Variants in CSMD1 observed in about 807,000 individuals in gnomAD.
CSMD1 encodes CUB and Sushi multiple domains 1.
In CSMD1, 213 loss-of-function variants were observed where a neutral mutation model predicts 417.5. The ratio of observed to expected loss-of-function variants is 0.51; its 90% CI spans 0.46 to 0.57. CSMD1 has a LOEUF of 0.57. Among genes scored for constraint, CSMD1 ranks in the 20% least tolerant of loss-of-function variants. CSMD1 has a pLI of 0.00. For synonymous variants in CSMD1, 2,862 were observed against 1,736.8 expected (o/e 1.65, Z -16.11); for missense variants, 6,923 against 4,529.7 (o/e 1.53, Z -15.17).
chr8:4,325,730 CTG>C (rs1563057361), intron 3 of CSMD1, among the ~76,000 whole-genome samples: 2 of 152,146 alleles, frequency 1.3e-5, no homozygotes, highest in African/African-American at 4.8e-5. Flanking sequence ...GAATCCAACA[CTG>C]AGAAGGCGTG....
intron 46 of CSMD1, among the ~76,000 whole-genome samples, chr8:3,106,216 T>A (rs532687504): frequency 2.1e-5 from 2 of 96,050 alleles, no homozygotes; most frequent in Non-Finnish European, 4.7e-5. Flanking sequence ...TGAAAACCCA[T>A]TTCTACAAAA....
intron 16 of CSMD1, among the ~76,000 whole-genome samples, chr8:3,396,706 T>C (rs77206890): frequency 9.7e-4 from 148 of 152,210 alleles, no homozygotes; most frequent in African/African-American, 3.3e-3. Context: ...GATAGATAGA[T>C]AGACAAATAG....
intron 7 of CSMD1, among the ~76,000 whole-genome samples, chr8:3,683,071 A>G (rs1273986434): frequency 6.6e-6 from 1 of 152,148 alleles, no homozygotes; most frequent in Non-Finnish European, 1.5e-5. Flanking sequence ...GGGAAGGGAT[A>G]GCATTAGGAG....
chr8:3,280,584 G>GTGAT (rs1232868777), intron 26 of CSMD1, among the ~76,000 whole-genome samples: 1 of 152,126 alleles, frequency 6.6e-6, no homozygotes, highest in African/African-American at 2.4e-5. Flanking sequence ...TTATTAACTA[G>GTGAT]TGATAGGGTT....
intron 5 of CSMD1, among the ~76,000 whole-genome samples, chr8:3,913,956 G>C (rs1016123929): frequency 6.6e-6 from 1 of 151,904 alleles, no homozygotes; most frequent in African/African-American, 2.4e-5. Flanking sequence ...TTTGACTTCA[G>C]ATAAAGGAAA....
chr8:4,530,312 T>C (rs940863564), intron 2 of CSMD1, among the ~76,000 whole-genome samples: 3 of 128,792 alleles, frequency 2.3e-5, no homozygotes, highest in African/African-American at 8.7e-5. Context: ...GTACAGGTAG[T>C]GCTTTTTTTT....
At chr8:4,514,881 C>A (rs981303262) in intron 2 of CSMD1, among the ~76,000 whole-genome samples, 1 of 152,102 alleles carries the variant, frequency 6.6e-6, no homozygotes, top group African/African-American at 2.4e-5. Flanking sequence ...AACAACCACA[C>A]CAAAAACAAA....
At chr8:4,134,685 C>G (rs976227664) in intron 3 of CSMD1, among the ~76,000 whole-genome samples, 1 of 152,164 alleles carries the variant, frequency 6.6e-6, no homozygotes, top group African/African-American at 2.4e-5. Flanking sequence ...TCCCTACCGC[C>G]TTTGATTTCT....
At chr8:4,478,965 T>G (rs1800945425) in intron 2 of CSMD1, among the ~76,000 whole-genome samples, 1 of 152,186 alleles carries the variant, frequency 6.6e-6, no homozygotes, top group African/African-American at 2.4e-5. Flanking sequence ...AACCTTAGTT[T>G]ATTAATTCCC....
chr8:3,621,324 GT>G (rs1796233758), intron 7 of CSMD1, among the ~76,000 whole-genome samples: 1 of 152,172 alleles, frequency 6.6e-6, no homozygotes, highest in Admixed American at 6.5e-5. Context: ...GCAACTGTAT[GT>G]TGCCCACAAG....
At chr8:3,616,419 C>T (rs1007080376) in intron 8 of CSMD1, among the ~76,000 whole-genome samples, 2 of 152,154 alleles carry the variant, frequency 1.3e-5, no homozygotes, top group African/African-American at 4.8e-5. Context: ...CTGAGACCTC[C>T]TCAACCATGC....
intron 5 of CSMD1, among the ~76,000 whole-genome samples, chr8:3,930,214 G>A (rs566390497): frequency 6.7e-6 from 1 of 150,042 alleles, no homozygotes; most frequent in African/African-American, 2.5e-5. Context: ...TTCTATACGT[G>A]ACAAGTAAAG....
intron 3 of CSMD1, among the ~76,000 whole-genome samples, chr8:4,088,641 C>G (rs568934563): frequency 6.6e-6 from 1 of 152,142 alleles, no homozygotes; most frequent in Non-Finnish European, 1.5e-5. Context: ...GAGAGTAAAG[C>G]CCAAAGTCAT....
intron 3 of CSMD1, among the ~76,000 whole-genome samples, chr8:4,349,878 A>C (rs34751333): frequency 0.12 from 17,988 of 151,378 alleles, 1,390 homozygotes; most frequent in Admixed American, 0.17. Flanking sequence ...TACCTTTAAG[A>C]AAAGACAGGG....
chr8:3,252,762 G>C (rs1278930055), intron 26 of CSMD1, among the ~76,000 whole-genome samples: 3 of 152,178 alleles, frequency 2.0e-5, no homozygotes, highest in African/African-American at 7.2e-5. Flanking sequence ...TCTCTTCAGA[G>C]ATTCAACTTC....
At chr8:4,771,461 T>C (rs1796593233) in intron 1 of CSMD1, among the ~76,000 whole-genome samples, 1 of 152,226 alleles carries the variant, frequency 6.6e-6, no homozygotes, top group Non-Finnish European at 1.5e-5. Context: ...ATACACATCC[T>C]CCGTGCGAAG....
chr8:3,320,398 C>T (rs1320974719), intron 23 of CSMD1, among the ~76,000 whole-genome samples: 4 of 152,062 alleles, frequency 2.6e-5, no homozygotes, highest in African/African-American at 9.7e-5. Context: ...GCGATTTTTA[C>T]AAGAAAAACT....
At chr8:4,717,918 G>A (rs377674444) in intron 1 of CSMD1, among the ~76,000 whole-genome samples, 1 of 152,162 alleles carries the variant, frequency 6.6e-6, no homozygotes, top group Non-Finnish European at 1.5e-5. Context: ...TATTGATACA[G>A]AAGAAGTATA....
In CSMD1 at chr8:4,042,972, G is replaced by GAA. The variant is rs148720607; in HGVS notation, c.416-10875_416-10874dup. 5.4e-5 allele frequency among the ~76,000 whole-genome samples: 8 copies of GAA among 149,430 alleles called. No homozygotes were observed. In the East Asian group the frequency reaches 1.6e-3, roughly 29 times the overall value. ...AAAAACCCACCTCTACTAAATATGGGAAAAAAAAAATTAGCTGGGTGTGGT... is the reference window on the plus strand; with the variant it reads ...AAAAACCCACCTCTACTAAATATGGGAAAAAAAAAAAATTAGCTGGGTGTGGT... On this transcript the variant is annotated intron_variant, in intron 3 of 69. Coordinates refer to ENST00000635120, the MANE Select transcript of CSMD1 (RefSeq NM_033225.6).
Sources: allele counts gnomAD v4.1 joint callset (sites outside exome capture counted in the v4.1 genomes callset), GRCh38; gene constraint gnomAD v4.1.1; transcripts MANE v1.5; gene names NCBI Gene and HGNC (gene_info 2026-07-23, HGNC 2026-07-21).